The following TENM3 variants were observed in gnomAD, a reference collection of about 807,000 sequenced individuals.
TENM3 encodes teneurin-3.
TENM3 carries 63 observed loss-of-function variants against 255.1 expected under a neutral mutation model. The ratio of observed to expected loss-of-function variants is 0.25; its 90% CI spans 0.20 to 0.30. The LOEUF is 0.30. Ranked by LOEUF, TENM3 falls within the 10% of genes least tolerant of loss-of-function variation. The pLI, the probability that TENM3 is intolerant of heterozygous loss-of-function variation, is 1.00. For synonymous variants in TENM3, 1,306 were observed against 1,322.3 expected, an observed-to-expected ratio of 0.99 and a Z score of 0.27; for missense variants, 2,929 against 3,461.1, an observed-to-expected ratio of 0.85 and a Z score of 3.86.
At chr4:181,832,068 G>A in the TENM3 span, among the ~76,000 whole-genome samples, 1 of 149,790 alleles carries the variant, frequency 6.7e-6, no homozygotes, top group Non-Finnish European at 1.5e-5. Flanking sequence ...ACGGTATGGA[G>A]AAATTCGGAG....
At chr4:182,067,344 TCAG>T in the TENM3 span, among the ~76,000 whole-genome samples, 1 of 152,170 alleles carries the variant, frequency 6.6e-6, no homozygotes, top group African/African-American at 2.4e-5. Context: ...GCATGAAACT[TCAG>T]CAGCTTATTC....
the TENM3 span, among the ~76,000 whole-genome samples, chr4:181,876,126 A>G: frequency 1.4e-4 from 22 of 152,326 alleles, no homozygotes; most frequent in African/African-American, 5.3e-4. Flanking sequence ...TTCTTTGACT[A>G]TACACCTAGT....
chr4:182,494,509 A>G (rs1735578591), intron 3 of TENM3, among the ~76,000 whole-genome samples: 2 of 152,214 alleles, frequency 1.3e-5, no homozygotes, highest in Admixed American at 1.3e-4. Flanking sequence ...AAGTATATAT[A>G]GCGTTCAGTT....
chr4:181,872,344 AGGGG>A, the TENM3 span, among the ~76,000 whole-genome samples: 31,025 of 151,686 alleles, frequency 0.2, 3,572 homozygotes, highest in East Asian at 0.56. Context: ...TTTTAAGTTC[AGGGG>A]TACATGTGCA....
At chr4:182,214,243 C>G (rs1035122755) in intron 1 of TENM3, among the ~76,000 whole-genome samples, 1 of 152,120 alleles carries the variant, frequency 6.6e-6, no homozygotes, top group Non-Finnish European at 1.5e-5. Context: ...GTTTTCACTA[C>G]CCCTTATGTT....
At chr4:182,478,615 A>C (rs1580692730) in intron 3 of TENM3, among the ~76,000 whole-genome samples, 1 of 152,108 alleles carries the variant, frequency 6.6e-6, no homozygotes, top group East Asian at 1.9e-4. Flanking sequence ...GAGGGCAGTA[A>C]AAAAATTTAT....
chr4:181,475,307 T>TGGTG, the TENM3 span, among the ~76,000 whole-genome samples: 1 of 152,246 alleles, frequency 6.6e-6, no homozygotes, highest in African/African-American at 2.4e-5. Flanking sequence ...CGTATTCATC[T>TGGTG]GGTGCTCTTT....
At chr4:182,688,021 A>G (rs1290918335) in intron 11 of TENM3, 145 bp from the exon 12 acceptor site, 1 of 705,710 alleles carries the variant, frequency 1.4e-6, no homozygotes, top group African/African-American at 1.8e-5. Flanking sequence ...AAATTTACGT[A>G]GCATACAAAT....
chr4:181,598,492 C>T, the TENM3 span, among the ~76,000 whole-genome samples: 1 of 152,014 alleles, frequency 6.6e-6, no homozygotes, highest in South Asian at 2.1e-4. Context: ...TGTTACTCCT[C>T]TTTAGATTTT....
the TENM3 span, among the ~76,000 whole-genome samples, chr4:181,802,877 T>C: frequency 6.6e-6 from 1 of 152,204 alleles, no homozygotes; most frequent in Non-Finnish European, 1.5e-5. Flanking sequence ...TAATATCAAA[T>C]AAATTACTTT....
At chr4:182,759,761 AAAGT>A (rs1762995492) in intron 22 of TENM3, among the ~76,000 whole-genome samples, 1 of 152,234 alleles carries the variant, frequency 6.6e-6, no homozygotes, top group African/African-American at 2.4e-5. Context: ...AATCACCAAT[AAAGT>A]AAGTAGGGTG....
rs1772996862 is a variant in TENM3, at chr4:182,447,224, T to TA, written c.511+100296dup. 2.6e-5 allele frequency among the ~76,000 whole-genome samples: 4 copies of TA among 151,710 alleles called. No homozygotes were observed. In the South Asian group the frequency reaches 8.3e-4, roughly 32 times the overall value. ...AGACAGGCTGGTTGTGACGTTGTAA[T>TA]AGAGTGTGTTTGTGAGTCACGATTT... On this transcript the variant is annotated intron_variant, in intron 3 of 27. Coordinates refer to ENST00000511685, the MANE Select transcript of TENM3 (RefSeq NM_001080477.4).
At chr4:181,709,399 C>T in the TENM3 span, among the ~76,000 whole-genome samples, 1 of 152,076 alleles carries the variant, frequency 6.6e-6, no homozygotes, top group Non-Finnish European at 1.5e-5. Flanking sequence ...TCAGTGAATG[C>T]CATGAAGAAA....
the TENM3 span, among the ~76,000 whole-genome samples, chr4:181,992,835 A>G: frequency 6.6e-6 from 1 of 152,144 alleles, no homozygotes; most frequent in Non-Finnish European, 1.5e-5. Context: ...AAAAATATCC[A>G]ATGAAATGCC....
At chr4:181,641,867 A>C in the TENM3 span, among the ~76,000 whole-genome samples, 42,439 of 113,788 alleles carry the variant, frequency 0.37, 8,278 homozygotes, top group Non-Finnish European at 0.42. Context: ...TATCCAGTCT[A>C]TCATTGATGG....
At chr4:182,551,041 T>G (rs988771237) in intron 3 of TENM3, among the ~76,000 whole-genome samples, 3 of 152,010 alleles carry the variant, frequency 2.0e-5, no homozygotes, top group Non-Finnish European at 4.4e-5. Context: ...GTCAACACAG[T>G]GAAACACTGT....
Position 182,345,470 on chromosome 4 carries a change from A to T in TENM3, c.233-1181A>T, listed in dbSNP as rs73869939. On this transcript the variant is annotated intron_variant, in intron 2 of 27. Transcript: ENST00000511685. ...TATGAGTAATATAAATGCTTAATATACTTAAAAGGTTTGGTTATGAGATAG... is the reference window on the plus strand; with the variant it reads ...TATGAGTAATATAAATGCTTAATATTCTTAAAAGGTTTGGTTATGAGATAG... Among the ~76,000 whole-genome samples the T allele has an allele frequency of 2.1e-3, 314 of 152,338 alleles. 2 individuals carry two copies. Among genetic ancestry groups the T allele is most frequent in the African/African-American group, 7.1e-3 (294 of 41,590 alleles).
chr4:182,245,027 T>G (rs1237835171), intron 1 of TENM3, among the ~76,000 whole-genome samples: 2 of 152,226 alleles, frequency 1.3e-5, no homozygotes, highest in African/African-American at 2.4e-5. Context: ...TCTAGTGTTT[T>G]GGGAATGAAG....
intron 13 of TENM3, among the ~76,000 whole-genome samples, chr4:182,724,018 TAC>T (rs1217305504): frequency 6.6e-6 from 1 of 152,194 alleles, no homozygotes; most frequent in Non-Finnish European, 1.5e-5. Flanking sequence ...GCAATAATAT[TAC>T]AGACTGAGCG....
Sources: gnomAD v4.1 joint callset for allele counts (sites outside exome capture counted in the v4.1 genomes callset) on GRCh38, gnomAD v4.1.1 for gene constraint, MANE v1.5 for transcripts, NCBI Gene and HGNC (gene_info 2026-07-23, HGNC 2026-07-21) for gene names.